Variants in KCNC2 observed in about 807,000 individuals in gnomAD.
The protein encoded by KCNC2 is voltage-gated potassium channel KCNC2.
Under a neutral mutation model 44.5 loss-of-function variants are expected in KCNC2, and 21 were observed. That is an observed-to-expected ratio of 0.47 (90% CI 0.33 to 0.68). KCNC2 has a LOEUF of 0.68. Ranked by LOEUF, KCNC2 falls within the 30% of genes least tolerant of loss-of-function variation. KCNC2 has a pLI of 0.01. For missense variants in KCNC2, 589 were observed against 826.2 expected (o/e 0.71, Z 3.52); for synonymous variants, 391 against 339.1 (o/e 1.15, Z -1.68).
chr12:75,165,822 A>C (rs1891412953), intron 2 of KCNC2, among the ~76,000 whole-genome samples: 1 of 151,524 alleles, frequency 6.6e-6, no homozygotes, highest in Non-Finnish European at 1.5e-5. Flanking sequence ...TAATATTTCA[A>C]GTAACAGATA....
intron 2 of KCNC2, among the ~76,000 whole-genome samples, chr12:75,058,371 A>G (rs1881965792): frequency 6.6e-6 from 1 of 151,938 alleles, no homozygotes; most frequent in African/African-American, 2.4e-5. Context: ...TTAAATGATT[A>G]ATTTGTCTTG....
chr12:75,122,034 A>T (rs370944242), intron 2 of KCNC2, among the ~76,000 whole-genome samples: 1 of 152,294 alleles, frequency 6.6e-6, no homozygotes, highest in East Asian at 1.9e-4. Context: ...TAGACCATAC[A>T]GTGACCTAGC....
chr12:75,060,980 C>G (rs533315724), intron 2 of KCNC2, among the ~76,000 whole-genome samples: 1 of 152,254 alleles, frequency 6.6e-6, no homozygotes, highest in East Asian at 1.9e-4. Flanking sequence ...ATCACACAGT[C>G]TTTTAACAAA....
intron 2 of KCNC2, among the ~76,000 whole-genome samples, chr12:75,056,223 G>T (rs937898442): frequency 1.3e-5 from 2 of 151,892 alleles, no homozygotes; most frequent in Non-Finnish European, 2.9e-5. Flanking sequence ...TTCCACTGGA[G>T]CCAACACAGA....
rs185813958 is a variant in KCNC2, at chr12:75,113,247, A to G, written c.688-61930T>C. The stretch of plus-strand genomic sequence containing the variant: ...AATGCAAATGCTTTAAAATTAATGT[A>G]CTAACTAATCACAATGTTCATATCA... On this transcript the variant is annotated intron_variant, in intron 2 of 4. Transcript: ENST00000549446. 1.3e-4 allele frequency among the ~76,000 whole-genome samples: 20 copies of G among 152,266 alleles called. 1 individual carries two copies. The highest frequency in any genetic ancestry group is 9.8e-4 in the Admixed American group (15 of 15,302).
chr12:75,134,063 T>C (rs1889050735), intron 2 of KCNC2, among the ~76,000 whole-genome samples: 1 of 151,924 alleles, frequency 6.6e-6, no homozygotes, highest in Non-Finnish European at 1.5e-5. Flanking sequence ...TCTGAAAACA[T>C]GAAACAAAAC....
At chr12:75,117,162 G>A (rs1887719441) in intron 2 of KCNC2, among the ~76,000 whole-genome samples, 1 of 152,068 alleles carries the variant, frequency 6.6e-6, no homozygotes, top group Admixed American at 6.6e-5. Context: ...ATTTGTCTCT[G>A]TACACTGAGA....
intron 2 of KCNC2, among the ~76,000 whole-genome samples, chr12:75,097,861 CT>C (rs989240388): frequency 1.3e-5 from 2 of 152,074 alleles, no homozygotes; most frequent in Admixed American, 6.6e-5. Context: ...AAATACATCC[CT>C]ATGTTTGTTT....
At chr12:75,178,069 A>G (rs17194932) in intron 2 of KCNC2, among the ~76,000 whole-genome samples, 12,524 of 152,062 alleles carry the variant, frequency 0.082, 569 homozygotes, top group Admixed American at 0.14. Context: ...CAGTGAGAAT[A>G]TTGGTTAATC....
At chr12:75,079,062 TA>T (rs1185482031) in intron 2 of KCNC2, among the ~76,000 whole-genome samples, 1 of 152,112 alleles carries the variant, frequency 6.6e-6, no homozygotes, top group Non-Finnish European at 1.5e-5. Context: ...TAAAACAATT[TA>T]GGGGGTCAGA....
Position 75,042,209 on chromosome 12 carries a change from T to A in KCNC2, c.*896A>T. ...AAAATGATGACAAACCCTGGGTATTTTTTTTTTTTAAAGAGTCTAGAACCA... is the reference window on the plus strand; with the variant it reads ...AAAATGATGACAAACCCTGGGTATTATTTTTTTTTAAAGAGTCTAGAACCA... On this transcript the variant is annotated 3_prime_UTR_variant, in exon 5 of 5. Coordinates refer to ENST00000549446, the MANE Select transcript of KCNC2 (RefSeq NM_139137.4). 3 of 1,378,160 alleles carry A rather than the reference T, an allele frequency of 2.2e-6. No homozygotes were observed. Among genetic ancestry groups the A allele is most frequent in the Non-Finnish European group, 1.9e-6 (2 of 1,055,846 alleles). 85.4% of individuals were successfully genotyped at this position (1,378,160 alleles called of 1,614,324 possible). A position where few individuals can be genotyped will look rare whatever the true frequency, so the allele number is the denominator to read the frequency against.
chr12:75,148,883 G>A (rs982951004), intron 2 of KCNC2, among the ~76,000 whole-genome samples: 1 of 151,398 alleles, frequency 6.6e-6, no homozygotes, highest in Non-Finnish European at 1.5e-5. Flanking sequence ...ACAATTTGAG[G>A]ATTTCCCCAT....
In KCNC2 at chr12:75,177,035, TA is replaced by T. The variant is rs1458685301; in HGVS notation, c.687+30261del. On this transcript the variant is annotated intron_variant, in intron 2 of 4. Transcript: ENST00000549446. ...AAGTGAAGTGATGCTGCAAGTTTTA[TA>T]TATATATATATATATATATATACAC... Among the ~76,000 whole-genome samples, 35 of 57,400 alleles carry T rather than the reference TA, an allele frequency of 6.1e-4. No homozygotes were observed. In the South Asian group the frequency reaches 0.013, roughly 22 times the overall value. The allele number at this position is 57,400 out of a possible 152,430, so 37.7% of individuals were successfully genotyped here.
At chr12:75,146,212 C>T (rs2137434454) in intron 2 of KCNC2, among the ~76,000 whole-genome samples, 1 of 152,184 alleles carries the variant, frequency 6.6e-6, no homozygotes, top group South Asian at 2.1e-4. Context: ...CCTTGGCCTC[C>T]CAAAGTGTTG....
intron 2 of KCNC2, among the ~76,000 whole-genome samples, chr12:75,059,046 C>T (rs1443444595): frequency 2.6e-5 from 4 of 152,062 alleles, no homozygotes; most frequent in African/African-American, 9.7e-5. Context: ...TCCCTTCCTC[C>T]TGTGTCTGAG....
chr12:75,056,104 C>G (rs985702500), intron 2 of KCNC2, among the ~76,000 whole-genome samples: 11 of 152,034 alleles, frequency 7.2e-5, no homozygotes, highest in African/African-American at 2.7e-4. Context: ...GAGACTTAAA[C>G]ATTCTATCCC....
At chr12:75,199,547 CCA>C (rs2031063824) in intron 2 of KCNC2, among the ~76,000 whole-genome samples, 1 of 151,878 alleles carries the variant, frequency 6.6e-6, no homozygotes, top group Non-Finnish European at 1.5e-5. Context: ...CTTTACATTC[CCA>C]TCACATCATC....
intron 2 of KCNC2, among the ~76,000 whole-genome samples, chr12:75,141,105 C>A (rs1889621759): frequency 6.6e-6 from 1 of 152,194 alleles, no homozygotes; most frequent in Non-Finnish European, 1.5e-5. Context: ...GCATAACCCA[C>A]CATACACTTG....
At position 75,040,316 on chromosome 12, in the gene KCNC2, T is replaced by C. The variant is rs201342917; in HGVS notation, c.*2789A>G. ...GATTAAGCAAGATGTAAAAATCTTA[T>C]ACAGTTTCATCTACAACAGTTTTAA... On this transcript the variant is annotated 3_prime_UTR_variant, in exon 5 of 5. Transcript: ENST00000549446. 1 of 152,012 alleles carries C rather than the reference T, an allele frequency of 6.6e-6. No homozygotes were observed. Among genetic ancestry groups the C allele is most frequent in the African/African-American group, 2.4e-5 (1 of 41,412 alleles). The allele number at this position is 152,012 out of a possible 1,614,324, so 9.4% of individuals were successfully genotyped here. A position where few individuals can be genotyped will look rare whatever the true frequency, so the allele number is the denominator to read the frequency against.
Sources: allele counts gnomAD v4.1 joint callset (sites outside exome capture counted in the v4.1 genomes callset), GRCh38; gene constraint gnomAD v4.1.1; transcripts MANE v1.5; gene names NCBI Gene and HGNC (gene_info 2026-07-23, HGNC 2026-07-21).